SLC35A3: variants seen among roughly 807,000 people sequenced by gnomAD.
The protein encoded by SLC35A3 is solute carrier family 35 member A3.
Under a neutral mutation model 39.0 loss-of-function variants are expected in SLC35A3, and 26 were observed. The observed-to-expected ratio is 0.67, with a 90% CI of 0.49 to 0.92. The LOEUF is 0.92. SLC35A3 is among the 40% of genes least tolerant of loss of function. The pLI is 0.00. For missense variants in SLC35A3, 299 were observed against 371.6 expected, an observed-to-expected ratio of 0.80 and a Z score of 1.61; for synonymous variants, 135 against 133.1, an observed-to-expected ratio of 1.01 and a Z score of -0.10.
intron 1 of SLC35A3, among the ~76,000 whole-genome samples, chr1:99,972,331 CTTTTTTTT>C (rs761559206): frequency 7.6e-6 from 1 of 132,016 alleles, no homozygotes; most frequent in Non-Finnish European, 1.6e-5. Context: ...GTACTTACTA[CTTTTTTTT>C]TTTTTTTTTT....
chr1:99,970,559 G>A (rs1656744314), intron 1 of SLC35A3: 2 of 1,535,904 alleles, frequency 1.3e-6, no homozygotes, highest in African/African-American at 2.7e-5. Context: ...TCGGTGTTGA[G>A]CCCTGTGGTA....
chr1:100,000,558 A>G (rs557445005), intron 3 of SLC35A3: 21 of 151,818 alleles, frequency 1.4e-4, no homozygotes, highest in Non-Finnish European at 2.9e-4. Flanking sequence ...GAAGCTTTTT[A>G]GTTTAATATA....
intron 3 of SLC35A3, among the ~76,000 whole-genome samples, chr1:100,003,640 A>T (rs1407296828): frequency 1.3e-5 from 2 of 152,164 alleles, no homozygotes; most frequent in Non-Finnish European, 2.9e-5. Flanking sequence ...CATTAGGTAT[A>T]AAGTGTAGTT....
intron 5 of SLC35A3, among the ~76,000 whole-genome samples, chr1:100,011,741 A>T (rs1257803815): frequency 7.1e-6 from 1 of 140,590 alleles, no homozygotes; most frequent in African/African-American, 2.6e-5. Flanking sequence ...TTTATTTTTG[A>T]CAGATTCTCG....
At chr1:99,972,137 G>A (rs1656851308) in intron 1 of SLC35A3, among the ~76,000 whole-genome samples, 1 of 151,908 alleles carries the variant, frequency 6.6e-6, no homozygotes, top group Non-Finnish European at 1.5e-5. Context: ...CTGACCTCAG[G>A]TGATCCACCT....
At chr1:99,999,145 C>G (rs1393825161) in intron 2 of SLC35A3, 116 bp from the exon 3 acceptor site, 2 of 511,558 alleles carry the variant, frequency 3.9e-6, no homozygotes, top group Non-Finnish European at 6.8e-6. Context: ...CTAAAAGTAT[C>G]TTGACATGTA....
chr1:99,995,029 G>A (rs943319568), intron 2 of SLC35A3, among the ~76,000 whole-genome samples: 5 of 151,280 alleles, frequency 3.3e-5, no homozygotes, highest in African/African-American at 1.2e-4. Flanking sequence ...GTTTCTCATT[G>A]TGGTTTTGAC....
chr1:99,996,863 G>GT lies in SLC35A3; in HGVS notation c.188-2390dup, dbSNP rs1557832366. On this transcript the variant is annotated intron_variant, in intron 2 of 7. Coordinates refer to ENST00000533028, the MANE Select transcript of SLC35A3 (RefSeq NM_012243.3). ...GTGAGTACCAGGTAGCAATTTTAAA[G>GT]TTTTTTTTATTTCAAAAAACTTTCC... 3.3e-5 allele frequency among the ~76,000 whole-genome samples: 5 copies of GT among 151,674 alleles called. No individual in the cohort carries two copies. The East Asian group carries it at 9.6e-4, about 29-fold the overall frequency.
At chr1:100,018,060 G>A (rs1660281124) in intron 7 of SLC35A3, among the ~76,000 whole-genome samples, 1 of 152,108 alleles carries the variant, frequency 6.6e-6, no homozygotes. Context: ...TCCCTGCAAA[G>A]TAAAAAAGTG....
At position 100,027,691 on chromosome 1, in the gene SLC35A3, C is replaced by A. The variant is rs1660994519; in HGVS notation, c.*5215C>A. 1 of 152,176 alleles carries A rather than the reference C, an allele frequency of 6.6e-6. No homozygotes were observed. 9.4% of individuals were successfully genotyped at this position (152,176 alleles called of 1,614,324 possible). A position where few individuals can be genotyped will look rare whatever the true frequency, so the allele number is the denominator to read the frequency against. On this transcript the variant is annotated 3_prime_UTR_variant, in exon 8 of 8. Coordinates refer to ENST00000533028, the MANE Select transcript of SLC35A3 (RefSeq NM_012243.3). ...CATGGAGATCAATTGTGATAATATA[C>A]AGGATTTTAGTCCTATCTCTACTGC...
intron 2 of SLC35A3, among the ~76,000 whole-genome samples, chr1:99,995,576 T>A (rs1440139621): frequency 6.6e-6 from 1 of 152,150 alleles, no homozygotes; most frequent in African/African-American, 2.4e-5. Flanking sequence ...GATTAAACTA[T>A]TGGGTGAATG....
intron 1 of SLC35A3, among the ~76,000 whole-genome samples, chr1:99,971,987 TC>T (rs1656841182): frequency 6.6e-6 from 1 of 152,112 alleles, no homozygotes; most frequent in African/African-American, 2.4e-5. Context: ...AACCTCCGTC[TC>T]CCGGGTTCAA....
intron 1 of SLC35A3, among the ~76,000 whole-genome samples, chr1:99,973,022 G>A (rs1466129964): frequency 6.6e-6 from 1 of 152,164 alleles, no homozygotes; most frequent in African/African-American, 2.4e-5. Flanking sequence ...CTTTTACTTA[G>A]TAGAAATTCA....
chr1:99,996,249 A>C (rs2101157218), intron 2 of SLC35A3, among the ~76,000 whole-genome samples: 1 of 152,362 alleles, frequency 6.6e-6, no homozygotes, highest in Non-Finnish European at 1.5e-5. Flanking sequence ...AAACATCTGT[A>C]AATCAAGTCA....
At chr1:99,985,969 G>A (rs1282420957) in intron 1 of SLC35A3, among the ~76,000 whole-genome samples, 2 of 152,014 alleles carry the variant, frequency 1.3e-5, no homozygotes, top group Non-Finnish European at 2.9e-5. Flanking sequence ...GGAGCTTTTT[G>A]GATGAGTCTT....
intron 1 of SLC35A3, among the ~76,000 whole-genome samples, chr1:99,975,276 T>C (rs1228255844): frequency 6.6e-6 from 1 of 152,164 alleles, no homozygotes; most frequent in Non-Finnish European, 1.5e-5. Context: ...CACAGAGTTA[T>C]GAAGAGATCA....
chr1:100,022,682 G>T lies in SLC35A3; in HGVS notation c.*206G>T. The T allele has an allele frequency of 2.7e-6, 1 of 364,862 alleles. No individual in the cohort carries two copies. The highest frequency in any genetic ancestry group is 4.9e-6 in the Non-Finnish European group (1 of 203,930). The allele number at this position is 364,862 out of a possible 1,614,324, so 22.6% of individuals were successfully genotyped here. ...ATCAAAACTTGAAAGTATTTCCAGG[G>T]ATTAGGATTAGAAGGAATATTAGAG... On this transcript the variant is annotated 3_prime_UTR_variant, in exon 8 of 8. Coordinates refer to ENST00000533028, the MANE Select transcript of SLC35A3 (RefSeq NM_012243.3).
intron 5 of SLC35A3, among the ~76,000 whole-genome samples, chr1:100,011,971 G>C (rs1427390926): frequency 1.3e-5 from 2 of 151,934 alleles, no homozygotes; most frequent in African/African-American, 4.8e-5. Context: ...GCCTGCCTCA[G>C]CCTCCCAAAG....
At chr1:99,999,900 C>T (rs1373105193) in intron 3 of SLC35A3, among the ~76,000 whole-genome samples, 3 of 151,882 alleles carry the variant, frequency 2.0e-5, no homozygotes, top group Non-Finnish European at 4.4e-5. Flanking sequence ...ATAATGACCT[C>T]TAGTTGCATC....
Sources: gnomAD v4.1 joint callset for allele counts (sites outside exome capture counted in the v4.1 genomes callset) on GRCh38, gnomAD v4.1.1 for gene constraint, MANE v1.5 for transcripts, NCBI Gene and HGNC (gene_info 2026-07-23, HGNC 2026-07-21) for gene names.